Variants in CYFIP2 observed in about 807,000 individuals in gnomAD.
CYFIP2 encodes the protein cytoplasmic FMR1-interacting protein 2.
In CYFIP2, 29 loss-of-function variants were observed where a neutral mutation model predicts 158.7. That is an observed-to-expected ratio of 0.18 (90% CI 0.14 to 0.25). The LOEUF (loss-of-function observed/expected upper bound fraction) is 0.25, where lower values mean the gene tolerates loss of function less well. Ranked by LOEUF, CYFIP2 falls within the 10% of genes least tolerant of loss-of-function variation. CYFIP2 has a pLI of 1.00. For missense variants in CYFIP2, 852 were observed against 1,639.5 expected, an observed-to-expected ratio of 0.52 and a Z score of 8.29; for synonymous variants, 585 against 617.6, an observed-to-expected ratio of 0.95 and a Z score of 0.78.
intron 23 of CYFIP2, among the ~76,000 whole-genome samples, chr5:157,347,000 A>T (rs558655066): frequency 6.6e-6 from 1 of 152,306 alleles, no homozygotes; most frequent in Non-Finnish European, 1.5e-5. Context: ...TTGAGATCAC[A>T]GGGTGTGTCT....
intron 26 of CYFIP2, among the ~76,000 whole-genome samples, chr5:157,366,067 A>C (rs983859224): frequency 2.0e-5 from 3 of 152,200 alleles, no homozygotes; most frequent in African/African-American, 7.2e-5. Context: ...GTACCAATTT[A>C]TACTCCCATT....
Position 157,373,629 on chromosome 5 carries a change from CA to C in CYFIP2, c.3040-8954del, listed in dbSNP as rs1765198371. Reference sequence around the variant, plus strand: ...GATGTAGGATAACTAAATATAGGCCCAAAAAAATCCAGATAGAAGCTTTGTA... The same window carrying C: ...GATGTAGGATAACTAAATATAGGCCCAAAAAATCCAGATAGAAGCTTTGTA... On this transcript the variant is annotated intron_variant, in intron 26 of 30. Transcript: ENST00000620254. Among the ~76,000 whole-genome samples, 3 of 151,946 alleles carry C rather than the reference CA, an allele frequency of 2.0e-5. No homozygotes were observed. In the East Asian group the frequency reaches 5.8e-4, roughly 29 times the overall value.
intron 9 of CYFIP2, among the ~76,000 whole-genome samples, chr5:157,309,327 G>A (rs1432301338): frequency 6.6e-6 from 1 of 152,172 alleles, no homozygotes; most frequent in East Asian, 1.9e-4. Flanking sequence ...TGAAAGTACA[G>A]ACTTTCTCAG....
chr5:157,382,099 T>TAAA (rs1766186527), intron 26 of CYFIP2, among the ~76,000 whole-genome samples: 1 of 152,208 alleles, frequency 6.6e-6, no homozygotes, highest in Non-Finnish European at 1.5e-5. Context: ...CCTCTTTTCT[T>TAAA]GCTAGTTGAT....
At position 157,314,422 on chromosome 5, in the gene CYFIP2, C is replaced by T; in HGVS notation, c.1189C>T (p.Leu397=). Residue 397 remains leucine, a synonymous_variant, in exon 12 of 31, where the codon CTG becomes TTG. Transcript: ENST00000620254. ...GCTCTTCGACCTAGCCCTGCGGGGTCTGCAGCTTCTATCCAAGTGGAGCGC... is the reference window on the plus strand; with the variant it reads ...GCTCTTCGACCTAGCCCTGCGGGGTTTGCAGCTTCTATCCAAGTGGAGCGC... ...RELFDLALRG[L]QLLSKWSAHV... 2 of 1,613,930 alleles carry T rather than the reference C, an allele frequency of 1.2e-6. No individual in the cohort carries two copies. The highest frequency in any genetic ancestry group is 1.7e-6 in the Non-Finnish European group (2 of 1,179,848).
chr5:157,365,508 A>AT (rs1436494734), intron 26 of CYFIP2: 1 of 151,920 alleles, frequency 6.6e-6, no homozygotes, highest in East Asian at 1.9e-4. Flanking sequence ...CCTGTGCATC[A>AT]TTTTTCTGGT....
chr5:157,274,108 G>C (rs1756343575), intron 1 of CYFIP2, among the ~76,000 whole-genome samples: 2 of 145,508 alleles, frequency 1.4e-5, no homozygotes, highest in Admixed American at 1.4e-4. Flanking sequence ...CCAGCCTGGG[G>C]AACAAGAGTG....
chr5:157,294,927 C>A, intron 4 of CYFIP2, 67 bp downstream of exon 4: 1 of 1,316,820 alleles, frequency 7.6e-7, no homozygotes, highest in Non-Finnish European at 1.1e-6. Context: ...ACTTCATCCC[C>A]AAACCAGAGA....
chr5:157,387,937 C>G (rs1335731380), intron 28 of CYFIP2, among the ~76,000 whole-genome samples: 1 of 152,196 alleles, frequency 6.6e-6, no homozygotes, highest in Non-Finnish European at 1.5e-5. Flanking sequence ...ATTGGTGTCT[C>G]CTGATTTCCT....
intron 5 of CYFIP2, among the ~76,000 whole-genome samples, chr5:157,298,233 T>C (rs138047598): frequency 1.3e-5 from 2 of 152,352 alleles, no homozygotes; most frequent in East Asian, 3.9e-4. Context: ...TATAGAGATA[T>C]ACTTAACATA....
Position 157,383,286 on chromosome 5 carries a change from G to A in CYFIP2, c.3134G>A (p.Arg1045Gln). 1.9e-6 allele frequency: 3 copies of A among 1,613,768 alleles called. No homozygotes were observed. The highest frequency in any genetic ancestry group is 1.7e-5 in the Admixed American group (1 of 59,996). The part of the protein sequence containing the change: ...YIKEGERLEV[R>Q]MKRLEAKYAP... ...GCAGAGGGGGAGCGCCTGGAGGTCC[G>A]GATGAAACGTCTGGAAGCCAAGTAT... Residue 1045 changes from arginine (R) to glutamine (Q), a missense_variant, in exon 28 of 31, where the codon CGG becomes CAG. By Grantham distance (43) the Arg-to-Gln change is conservative. Coordinates refer to ENST00000620254, the MANE Select transcript of CYFIP2 (RefSeq NM_001037333.3).
At chr5:157,328,193 G>T in intron 19 of CYFIP2, 144 bp downstream of exon 19, 2 of 735,196 alleles carry the variant, frequency 2.7e-6, no homozygotes, top group Non-Finnish European at 2.2e-6. Context: ...TGCTGAGATA[G>T]AGTGGAAAGG....
At chr5:157,382,835 G>C (rs1766263635) in intron 27 of CYFIP2, among the ~76,000 whole-genome samples, 173 bp downstream of exon 27, 1 of 152,120 alleles carries the variant, frequency 6.6e-6, no homozygotes, top group Admixed American at 6.5e-5. Flanking sequence ...CCTGCATTGA[G>C]CCTGCTGACC....
chr5:157,334,989 C>G (rs1025686955), intron 21 of CYFIP2, among the ~76,000 whole-genome samples: 4 of 152,172 alleles, frequency 2.6e-5, no homozygotes, highest in Non-Finnish European at 4.4e-5. Flanking sequence ...GCAGGGTATG[C>G]TGTTTTTACA....
At chr5:157,330,520 T>C (rs957636742) in intron 19 of CYFIP2, among the ~76,000 whole-genome samples, 6 of 152,188 alleles carry the variant, frequency 3.9e-5, no homozygotes, top group Non-Finnish European at 5.9e-5. Context: ...GCTCAACTTC[T>C]GTGTTGCCCA....
intron 1 of CYFIP2, among the ~76,000 whole-genome samples, chr5:157,283,250 A>G (rs1757130385): frequency 6.6e-6 from 1 of 152,198 alleles, no homozygotes. Context: ...CAAGATTGAA[A>G]TAGTCAAGTA....
chr5:157,294,047 T>C (rs1187510436), intron 3 of CYFIP2, among the ~76,000 whole-genome samples: 2 of 152,186 alleles, frequency 1.3e-5, no homozygotes, highest in Non-Finnish European at 2.9e-5. Flanking sequence ...TGTTGGTATT[T>C]GTAAGAGCAA....
At chr5:157,330,332 C>A (rs944547652) in intron 19 of CYFIP2, among the ~76,000 whole-genome samples, 4 of 150,296 alleles carry the variant, frequency 2.7e-5, no homozygotes, top group African/African-American at 9.8e-5. Context: ...GCAACTGTTA[C>A]CTATTATCTG....
chr5:157,351,828 C>T (rs1419553571), intron 23 of CYFIP2, among the ~76,000 whole-genome samples: 1 of 152,174 alleles, frequency 6.6e-6, no homozygotes, highest in African/African-American at 2.4e-5. Flanking sequence ...AATGCTGGAG[C>T]AGGTGAAGAA....
Sources: gnomAD v4.1 joint callset for allele counts (sites outside exome capture counted in the v4.1 genomes callset) on GRCh38, gnomAD v4.1.1 for gene constraint, MANE v1.5 for transcripts, NCBI Gene and HGNC (gene_info 2026-07-23, HGNC 2026-07-21) for gene names.